The following ERBB4 variants were observed in gnomAD, a reference collection of about 807,000 sequenced individuals.
The protein encoded by ERBB4 is receptor tyrosine-protein kinase erbB-4.
In ERBB4, 42 loss-of-function variants were observed where a neutral mutation model predicts 158.0. That is an observed-to-expected ratio of 0.27 (90% CI 0.21 to 0.34). ERBB4 has a LOEUF of 0.34. Ranked by LOEUF, ERBB4 falls within the 10% of genes least tolerant of loss-of-function variation. The pLI, the probability that ERBB4 is intolerant of heterozygous loss-of-function variation, is 1.00. For synonymous variants in ERBB4, 583 were observed against 558.7 expected (o/e 1.04, Z -0.61); for missense variants, 1,333 against 1,624.1 (o/e 0.82, Z 3.08).
rs769707072 is a variant in ERBB4, at chr2:211,560,262, CTTTTTTTTTT to C, written c.2487+1631_2487+1640del. Among the ~76,000 whole-genome samples, 452 of 46,308 alleles carry C rather than the reference CTTTTTTTTTT, an allele frequency of 9.8e-3. 9 individuals are homozygous for C. The highest frequency in any genetic ancestry group is 0.041 in the African/African-American group (432 of 10,450). 30.4% of individuals were successfully genotyped at this position (46,308 alleles called of 152,430 possible). On this transcript the variant is annotated intron_variant, in intron 20 of 27. Transcript: ENST00000342788. ...CAGCACTAACAAATTTGAAGCTTAG[CTTTTTTTTTT>C]TTTTTTTTTTTTTTTTTTTGAGATG...
intron 3 of ERBB4, among the ~76,000 whole-genome samples, chr2:211,844,735 T>C (rs539591908): frequency 5.3e-5 from 8 of 152,330 alleles, no homozygotes; most frequent in Non-Finnish European, 1.0e-4. Flanking sequence ...TAATGGATGA[T>C]ACATGACTAT....
At chr2:212,267,745 C>T (rs903554461) in intron 1 of ERBB4, among the ~76,000 whole-genome samples, 4 of 151,218 alleles carry the variant, frequency 2.6e-5, no homozygotes, top group African/African-American at 9.7e-5. Flanking sequence ...GCTATCCCTC[C>T]CCCCTTCCCC....
At chr2:211,710,449 T>G (rs1472522669) in intron 9 of ERBB4, among the ~76,000 whole-genome samples, 1 of 152,146 alleles carries the variant, frequency 6.6e-6, no homozygotes, top group African/African-American at 2.4e-5. Context: ...AAGAAGCACC[T>G]AAATATTGTC....
chr2:211,987,751 T>C (rs1413237626), intron 2 of ERBB4, among the ~76,000 whole-genome samples: 2 of 152,212 alleles, frequency 1.3e-5, no homozygotes, highest in African/African-American at 2.4e-5. Flanking sequence ...CAATGTATAA[T>C]TACAAAGTAT....
At chr2:212,129,732 GA>G (rs1303380968) in intron 1 of ERBB4, among the ~76,000 whole-genome samples, 8 of 151,376 alleles carry the variant, frequency 5.3e-5, no homozygotes, top group Non-Finnish European at 1.2e-4. Flanking sequence ...AATATTTTTT[GA>G]CAAAAAAAGA....
intron 1 of ERBB4, among the ~76,000 whole-genome samples, chr2:212,480,854 T>C (rs926857531): frequency 1.3e-5 from 2 of 152,264 alleles, no homozygotes; most frequent in African/African-American, 2.4e-5. Flanking sequence ...ACTTAGCAGC[T>C]AATAACAATG....
chr2:211,603,501 T>G (rs982576272), intron 19 of ERBB4, among the ~76,000 whole-genome samples: 1 of 152,110 alleles, frequency 6.6e-6, no homozygotes, highest in Non-Finnish European at 1.5e-5. Context: ...AATATATACA[T>G]AAGAGAAAAA....
chr2:211,759,142 G>C (rs558094191), intron 4 of ERBB4, among the ~76,000 whole-genome samples: 10 of 151,968 alleles, frequency 6.6e-5, no homozygotes, highest in African/African-American at 2.4e-4. Context: ...GTTTTCTTTC[G>C]TCTTACAGCC....
At chr2:211,790,457 T>C (rs1270525086) in intron 3 of ERBB4, among the ~76,000 whole-genome samples, 1 of 152,072 alleles carries the variant, frequency 6.6e-6, no homozygotes, top group Admixed American at 6.6e-5. Context: ...ATTTTTCAAA[T>C]AGAATCAGAT....
At chr2:211,754,407 CT>C (rs59474280) in intron 4 of ERBB4, among the ~76,000 whole-genome samples, 3,940 of 137,848 alleles carry the variant, frequency 0.029, 248 homozygotes, top group East Asian at 0.19. Flanking sequence ...GCAATAATCC[CT>C]TTTTTTTTTT....
intron 5 of ERBB4, among the ~76,000 whole-genome samples, chr2:211,737,162 T>C (rs1168138517): frequency 6.6e-6 from 1 of 152,228 alleles, no homozygotes; most frequent in East Asian, 1.9e-4. Flanking sequence ...ATGTCAACTT[T>C]TGAGTCTCTG....
chr2:212,488,210 G>A (rs73067077), intron 1 of ERBB4, among the ~76,000 whole-genome samples: 4,907 of 151,976 alleles, frequency 0.032, 272 homozygotes, highest in African/African-American at 0.11. Flanking sequence ...CCCTTTGAAT[G>A]TGTGACCCTT....
At chr2:211,467,105 C>A (rs144846476) in intron 20 of ERBB4, among the ~76,000 whole-genome samples, 9 of 152,102 alleles carry the variant, frequency 5.9e-5, no homozygotes, top group Middle Eastern at 3.4e-3. Context: ...GTGACAGAAC[C>A]CCAGAAATTT....
chr2:211,798,360 G>A (rs1412596098), intron 3 of ERBB4, among the ~76,000 whole-genome samples: 4 of 151,728 alleles, frequency 2.6e-5, no homozygotes, highest in African/African-American at 7.3e-5. Flanking sequence ...TTATTGTTCC[G>A]TATTATTCCA....
rs1486933619 is a variant in ERBB4 at position 212,522,407 on chromosome 2, G to C, written c.82+16042C>G. Among the ~76,000 whole-genome samples the C allele has an allele frequency of 3.9e-5, 6 of 152,008 alleles. No individual in the cohort carries two copies. The East Asian group carries it at 1.2e-3, about 29-fold the overall frequency. ...ACAGAAGTTTATAACAATTAAGATA[G>C]GAAAAGCACATTAAATTATGAAAAG... On this transcript the variant is annotated intron_variant, in intron 1 of 27. Transcript: ENST00000342788.
At chr2:211,455,097 TTC>T (rs1451756649) in intron 20 of ERBB4, among the ~76,000 whole-genome samples, 1 of 152,256 alleles carries the variant, frequency 6.6e-6, no homozygotes, top group Non-Finnish European at 1.5e-5. Flanking sequence ...TCCGTTTTAT[TTC>T]TGTCCCCAAT....
At chr2:211,874,686 T>C (rs1189047024) in intron 3 of ERBB4, among the ~76,000 whole-genome samples, 2 of 152,148 alleles carry the variant, frequency 1.3e-5, no homozygotes, top group African/African-American at 2.4e-5. Flanking sequence ...TAAACTTGAC[T>C]CTTCACTGCT....
intron 1 of ERBB4, among the ~76,000 whole-genome samples, chr2:212,439,423 CG>C (rs1681229631): frequency 6.6e-6 from 1 of 151,808 alleles, no homozygotes; most frequent in African/African-American, 2.4e-5. Context: ...ACAAATGTAC[CG>C]TCTCCAAACT....
chr2:212,214,015 A>T (rs904249580), intron 1 of ERBB4, among the ~76,000 whole-genome samples: 3 of 151,900 alleles, frequency 2.0e-5, no homozygotes, highest in African/African-American at 7.2e-5. Flanking sequence ...CTAGGACTAC[A>T]GTTGAGGTAT....
Sources: gnomAD v4.1 joint callset for allele counts (sites outside exome capture counted in the v4.1 genomes callset) on GRCh38, gnomAD v4.1.1 for gene constraint, MANE v1.5 for transcripts, NCBI Gene and HGNC (gene_info 2026-07-23, HGNC 2026-07-21) for gene names.